LOC128092252: variants seen among roughly 807,000 people sequenced by gnomAD.
the LOC128092252 span, among the ~76,000 whole-genome samples, chr15:50,666,804 A>G: frequency 6.6e-6 from 1 of 151,924 alleles, no homozygotes; most frequent in African/African-American, 2.4e-5. Flanking sequence ...ACTGTCTCCA[A>G]AAAAAAAGAA....
chr15:50,669,309 C>T, the LOC128092252 span, among the ~76,000 whole-genome samples: 1 of 151,820 alleles, frequency 6.6e-6, no homozygotes, highest in South Asian at 2.1e-4. Flanking sequence ...GTGGTGTGTG[C>T]CTGTAATTCC....
At chr15:50,676,717 T>C in the LOC128092252 span, among the ~76,000 whole-genome samples, 2 of 152,064 alleles carry the variant, frequency 1.3e-5, no homozygotes, top group South Asian at 2.1e-4. Flanking sequence ...ACAGTCCCCA[T>C]CCTATGCCTA....
chr15:50,653,867 T>C, the LOC128092252 span, among the ~76,000 whole-genome samples: 1 of 152,162 alleles, frequency 6.6e-6, no homozygotes, highest in African/African-American at 2.4e-5. Context: ...TGTGTGGGTC[T>C]GTGAACGGGG....
chr15:50,684,365 G>T, the LOC128092252 span, among the ~76,000 whole-genome samples: 1 of 152,102 alleles, frequency 6.6e-6, no homozygotes, highest in East Asian at 1.9e-4. Flanking sequence ...GTAGAAGCTG[G>T]GCAAAGTGGG....
the LOC128092252 span, among the ~76,000 whole-genome samples, chr15:50,684,088 G>A: frequency 1.3e-5 from 2 of 151,976 alleles, no homozygotes; most frequent in Middle Eastern, 3.4e-3. Flanking sequence ...CTGACCTCAA[G>A]TGATCCGGGA....
At chr15:50,659,930 G>C in the LOC128092252 span, among the ~76,000 whole-genome samples, 1 of 152,120 alleles carries the variant, frequency 6.6e-6, no homozygotes, top group Non-Finnish European at 1.5e-5. Flanking sequence ...CTCCCAAAGT[G>C]CTGGGATTAC....
the LOC128092252 span, among the ~76,000 whole-genome samples, chr15:50,652,870 G>A: frequency 6.6e-6 from 1 of 152,036 alleles, no homozygotes; most frequent in East Asian, 1.9e-4. Flanking sequence ...AGCATTACAA[G>A]AAAAGACTAG....
At chr15:50,676,918 G>T in the LOC128092252 span, among the ~76,000 whole-genome samples, 1 of 152,056 alleles carries the variant, frequency 6.6e-6, no homozygotes. Flanking sequence ...CGTACACATG[G>T]GGCAGCCTCC....
At chr15:50,668,181 T>C in the LOC128092252 span, among the ~76,000 whole-genome samples, 1 of 152,244 alleles carries the variant, frequency 6.6e-6, no homozygotes, top group Non-Finnish European at 1.5e-5. Context: ...TGCAGGTTTC[T>C]GATAACTTTG....
the LOC128092252 span, among the ~76,000 whole-genome samples, chr15:50,650,694 CAAAAAAAACA>C: frequency 2.1e-5 from 3 of 142,032 alleles, no homozygotes; most frequent in East Asian, 2.0e-4. Flanking sequence ...GACTGGGTCT[CAAAAAAAACA>C]AAAAAAAACA....
At chr15:50,660,409 T>G in the LOC128092252 span, among the ~76,000 whole-genome samples, 1 of 152,236 alleles carries the variant, frequency 6.6e-6, no homozygotes, top group South Asian at 2.1e-4. Context: ...GTGACTCACT[T>G]TGGGAGGCTG....
chr15:50,663,055 A>G, the LOC128092252 span: 1 of 1,600,500 alleles, frequency 6.2e-7, no homozygotes, highest in Non-Finnish European at 8.6e-7. Flanking sequence ...GACTAAAACA[A>G]AATGTTTTAA....
At chr15:50,657,445 G>C in the LOC128092252 span, among the ~76,000 whole-genome samples, 1 of 152,060 alleles carries the variant, frequency 6.6e-6, no homozygotes, top group African/African-American at 2.4e-5. Context: ...CATTTTTCCA[G>C]GCCCAAATCT....
chr15:50,657,984 A>G, the LOC128092252 span, among the ~76,000 whole-genome samples: 6 of 151,058 alleles, frequency 4.0e-5, no homozygotes, highest in African/African-American at 1.2e-4. Context: ...TCAAATAACT[A>G]TTTTTTAACT....
chr15:50,678,252 C>CA, the LOC128092252 span, among the ~76,000 whole-genome samples: 2 of 110,468 alleles, frequency 1.8e-5, no homozygotes, highest in Admixed American at 1.1e-4. Flanking sequence ...AAAAAAAAAA[C>CA]AAAAACAAAA....
At chr15:50,650,053 C>T in the LOC128092252 span, among the ~76,000 whole-genome samples, 1 of 151,710 alleles carries the variant, frequency 6.6e-6, no homozygotes, top group Non-Finnish European at 1.5e-5. Context: ...ATTAGCTGGG[C>T]ATGGTGGCGC....
the LOC128092252 span, among the ~76,000 whole-genome samples, chr15:50,679,090 T>TACTTAGGAGG: frequency 6.7e-6 from 1 of 150,374 alleles, no homozygotes; most frequent in African/African-American, 2.5e-5. Context: ...GCCAGGATGG[T>TACTTAGGAGG]CTCGATCTCT....
At chr15:50,686,572 ACCTCCTCCT>A in the LOC128092252 span, 1 of 1,602,706 alleles carries the variant, frequency 6.2e-7, no homozygotes, top group Non-Finnish European at 8.5e-7. Context: ...CAGCAACTCC[ACCTCCTCCT>A]CCTCCGCGGC....
chr15:50,649,048 C>T, the LOC128092252 span, among the ~76,000 whole-genome samples: 1 of 151,730 alleles, frequency 6.6e-6, no homozygotes, highest in African/African-American at 2.4e-5. Context: ...TATATTAATA[C>T]CTTCATCATA....
Sources: gnomAD v4.1 joint callset for allele counts (sites outside exome capture counted in the v4.1 genomes callset) on GRCh38, gnomAD v4.1.1 for gene constraint, MANE v1.5 for transcripts.